Variants in SLC23A2 observed in about 807,000 individuals in gnomAD.
SLC23A2 encodes solute carrier family 23 member 2, also known as Na(+)/L-ascorbic acid transporter 2.
A neutral mutation model predicts 73.3 loss-of-function variants in SLC23A2; 36 were observed. That is an observed-to-expected ratio of 0.49 (90% CI 0.38 to 0.65). The LOEUF (loss-of-function observed/expected upper bound fraction) is 0.65, where lower values mean the gene tolerates loss of function less well. Among genes scored for constraint, SLC23A2 ranks in the 30% least tolerant of loss-of-function variants. The probability of loss-of-function intolerance (pLI) is 0.00; values close to 1 mark genes in which losing one functional copy is unlikely to be tolerated. For synonymous variants in SLC23A2, 343 were observed against 327.3 expected (o/e 1.05, Z -0.52); for missense variants, 507 against 841.6 (o/e 0.60, Z 4.92).
chr20:5,001,565 C>G (rs914394177), upstream of SLC23A2: 11 of 150,948 alleles, frequency 7.3e-5, no homozygotes, highest in East Asian at 1.2e-3. Flanking sequence ...GCCCCCGCGC[C>G]GGTCTGGGGC....
chr20:4,973,749 T>C (rs1167317772), intron 1 of SLC23A2, among the ~76,000 whole-genome samples: 1 of 152,168 alleles, frequency 6.6e-6, no homozygotes, highest in Non-Finnish European at 1.5e-5. Context: ...GATCAAAGCC[T>C]GGGCGCTGCG....
At position 4,854,231 on chromosome 20, in the gene SLC23A2, G is replaced by C. The variant is rs933331687; in HGVS notation, c.*2741C>G. On this transcript the variant is annotated 3_prime_UTR_variant, in exon 17 of 17. Coordinates refer to ENST00000338244, the MANE Select transcript of SLC23A2 (RefSeq NM_005116.6). Reference sequence around the variant, plus strand: ...CGCAGGCCAATGATGTGAATGGGAAGTGTCATGACACAGACCGCGAGTGGC... The same window carrying C: ...CGCAGGCCAATGATGTGAATGGGAACTGTCATGACACAGACCGCGAGTGGC... The C allele has an allele frequency of 1.3e-5, 2 of 152,278 alleles. No homozygotes were observed. The highest frequency in any genetic ancestry group is 2.9e-5 in the Non-Finnish European group (2 of 68,064). The allele number at this position is 152,278 out of a possible 1,614,324, so 9.4% of individuals were successfully genotyped here.
At chr20:4,870,382 GC>G (rs1320642987) in intron 11 of SLC23A2, among the ~76,000 whole-genome samples, 1 of 152,148 alleles carries the variant, frequency 6.6e-6, no homozygotes, top group Non-Finnish European at 1.5e-5. Context: ...TTCGAGACCA[GC>G]CTGGCCAACA....
At chr20:4,869,306 G>A (rs1930333630) in intron 12 of SLC23A2, among the ~76,000 whole-genome samples, 1 of 149,134 alleles carries the variant, frequency 6.7e-6, no homozygotes, top group Admixed American at 6.7e-5. Context: ...TGAGACCCTG[G>A]GTCTTTTTAA....
chr20:4,943,613 T>C (rs1473990481), intron 2 of SLC23A2, among the ~76,000 whole-genome samples: 1 of 149,468 alleles, frequency 6.7e-6, no homozygotes, highest in Non-Finnish European at 1.5e-5. Context: ...AGGTAAAGGT[T>C]GCAGTGAGCT....
At chr20:4,885,304 G>A (rs1931053135) in intron 7 of SLC23A2, among the ~76,000 whole-genome samples, 1 of 152,212 alleles carries the variant, frequency 6.6e-6, no homozygotes, top group South Asian at 2.1e-4. Flanking sequence ...ATTTTTGAGA[G>A]TACAGGTCTG....
chr20:4,944,278 C>A (rs1030157382), intron 2 of SLC23A2, among the ~76,000 whole-genome samples: 44 of 152,252 alleles, frequency 2.9e-4, no homozygotes, highest in African/African-American at 1.0e-3. Flanking sequence ...CTTGCTCCGT[C>A]GCCCAGGCTG....
rs986847792 is a variant in SLC23A2, at chr20:4,872,682, T to C, written c.1102+1254A>G. Reference sequence around the variant, plus strand: ...GTATGTTTATGAACCATGCACATTCTTTCTTGGAAAAAGAATAGGTCTGTA... The same window carrying C: ...GTATGTTTATGAACCATGCACATTCCTTCTTGGAAAAAGAATAGGTCTGTA... On this transcript the variant is annotated intron_variant, in intron 11 of 16. Coordinates refer to ENST00000338244, the MANE Select transcript of SLC23A2 (RefSeq NM_005116.6). This position sits in a 1 kb window ranked among gnomAD's most constrained non-coding sequence, Gnocchi z 4.4. Among the ~76,000 whole-genome samples the C allele has an allele frequency of 6.6e-6, 1 of 152,234 alleles. No individual in the cohort carries two copies. The highest frequency in any genetic ancestry group is 2.4e-5 in the African/African-American group (1 of 41,460).
intron 2 of SLC23A2, among the ~76,000 whole-genome samples, chr20:4,934,341 A>G (rs2086926322): frequency 1.3e-5 from 2 of 152,000 alleles, no homozygotes; most frequent in Non-Finnish European, 2.9e-5. Flanking sequence ...ACATCCTTCA[A>G]TGCACAGGAC....
At chr20:4,970,373 C>T (rs935127661) in intron 2 of SLC23A2, among the ~76,000 whole-genome samples, 2 of 152,086 alleles carry the variant, frequency 1.3e-5, no homozygotes, top group South Asian at 2.1e-4. Flanking sequence ...ACGTAAAAAA[C>T]GTACAAAGGT....
At chr20:4,952,653 T>A (rs2122145875) in intron 2 of SLC23A2, among the ~76,000 whole-genome samples, 1 of 152,308 alleles carries the variant, frequency 6.6e-6, no homozygotes, top group Admixed American at 6.5e-5. Context: ...GGGACAAAGC[T>A]AAATAATGAG....
intron 2 of SLC23A2, among the ~76,000 whole-genome samples, chr20:4,962,515 C>A (rs745411050): frequency 2.0e-5 from 3 of 152,224 alleles, no homozygotes; most frequent in Non-Finnish European, 4.4e-5. Flanking sequence ...TCCCAAAGTG[C>A]TGTCTGGGAG....
In SLC23A2 at chr20:4,966,984, A is replaced by G. The variant is rs187198395; in HGVS notation, c.-155+3809T>C. ...ATTTTCCACACACAGAACTGAGAGG[A>G]GGGAAGGAAGCAGATATAAAAGAGA... On this transcript the variant is annotated intron_variant, in intron 2 of 16. Coordinates refer to ENST00000338244, the MANE Select transcript of SLC23A2 (RefSeq NM_005116.6). 2.3e-4 allele frequency among the ~76,000 whole-genome samples: 35 copies of G among 152,242 alleles called. 1 individual carries two copies. The East Asian group carries it at 6.7e-3, about 29-fold the overall frequency.
At chr20:4,918,833 C>T (rs1047168013) in intron 3 of SLC23A2, among the ~76,000 whole-genome samples, 3 of 152,282 alleles carry the variant, frequency 2.0e-5, no homozygotes, top group Middle Eastern at 3.4e-3. Context: ...CTAAACCAAT[C>T]GCTTTCAGAA....
intron 4 of SLC23A2, among the ~76,000 whole-genome samples, chr20:4,903,765 C>T (rs1931835684): frequency 6.6e-6 from 1 of 152,122 alleles, no homozygotes; most frequent in East Asian, 1.9e-4. Flanking sequence ...GGGATACTGG[C>T]AAATTTACAT....
At chr20:4,921,051 A>G (rs1932486730) in intron 3 of SLC23A2, among the ~76,000 whole-genome samples, 1 of 152,238 alleles carries the variant, frequency 6.6e-6, no homozygotes, top group Non-Finnish European at 1.5e-5. Context: ...AAGCAATCAG[A>G]TACAATAAGG....
chr20:4,934,212 CA>C (rs1331948311), intron 2 of SLC23A2, among the ~76,000 whole-genome samples: 14 of 152,270 alleles, frequency 9.2e-5, no homozygotes, highest in Admixed American at 8.5e-4. Context: ...CAGTGGTTCT[CA>C]ATCCAGAGTA....
At chr20:4,907,908 T>G (rs1013267492) in intron 4 of SLC23A2, among the ~76,000 whole-genome samples, 1 of 151,896 alleles carries the variant, frequency 6.6e-6, no homozygotes, top group African/African-American at 2.4e-5. Flanking sequence ...GAAATAAACA[T>G]GAGTTTACAT....
At chr20:5,006,974 TGTGC>T (rs1263640182) in intron 1 of SLC23A2, among the ~76,000 whole-genome samples, 1 of 140,106 alleles carries the variant, frequency 7.1e-6, no homozygotes. Context: ...TGTGTGTGTG[TGTGC>T]GTGCGTGCGT....
Sources: gnomAD v4.1 joint callset for allele counts (sites outside exome capture counted in the v4.1 genomes callset) on GRCh38, gnomAD v4.1.1 for gene constraint, Gnocchi (gnomAD v3.1) non-coding constraint, MANE v1.5 for transcripts, NCBI Gene and HGNC (gene_info 2026-07-23, HGNC 2026-07-21) for gene names.